The following CNTN5 variants were observed in gnomAD, a reference collection of about 807,000 sequenced individuals.
CNTN5 encodes contactin-5.
Under a neutral mutation model 129.1 loss-of-function variants are expected in CNTN5, and 77 were observed. The observed-to-expected ratio is 0.60, with a 90% CI of 0.50 to 0.72. CNTN5 has a LOEUF of 0.72. Ranked by LOEUF, CNTN5 falls within the 30% of genes least tolerant of loss-of-function variation. The pLI is 0.00. For synonymous variants in CNTN5, 509 were observed against 465.6 expected (o/e 1.09, Z -1.20); for missense variants, 1,478 against 1,328.8 (o/e 1.11, Z -1.75).
intron 8 of CNTN5, among the ~76,000 whole-genome samples, chr11:99,991,428 C>A (rs919742488): frequency 5.9e-5 from 9 of 152,244 alleles, no homozygotes; most frequent in Non-Finnish European, 1.3e-4. Context: ...GATTGCACCA[C>A]TGCACTCCAG....
chr11:99,719,077 G>C (rs564560835), intron 3 of CNTN5, among the ~76,000 whole-genome samples: 2 of 152,208 alleles, frequency 1.3e-5, no homozygotes, highest in South Asian at 4.1e-4. Context: ...CCAGCACTTT[G>C]GGAGGCCGAA....
At chr11:99,755,726 A>G (rs1005398416) in intron 3 of CNTN5, among the ~76,000 whole-genome samples, 1 of 152,074 alleles carries the variant, frequency 6.6e-6, no homozygotes, top group African/African-American at 2.4e-5. Flanking sequence ...GTTGTGTTAT[A>G]GTATCTGTAA....
intron 2 of CNTN5, among the ~76,000 whole-genome samples, chr11:99,506,229 C>T (rs530465742): frequency 1.3e-5 from 2 of 152,176 alleles, no homozygotes; most frequent in South Asian, 2.1e-4. Context: ...TGCTCAGGAT[C>T]GTACTAAAAA....
chr11:99,178,331 C>G (rs992949498), intron 1 of CNTN5, among the ~76,000 whole-genome samples: 1 of 122,744 alleles, frequency 8.1e-6, no homozygotes, highest in Non-Finnish European at 1.8e-5. Context: ...CACACACACA[C>G]ACACACACAC....
At chr11:99,285,029 A>C (rs919514702) in intron 1 of CNTN5, among the ~76,000 whole-genome samples, 8 of 152,180 alleles carry the variant, frequency 5.3e-5, no homozygotes, top group African/African-American at 1.9e-4. Flanking sequence ...ATTTTTTATA[A>C]AATGTAAAAT....
At chr11:99,916,409 G>A (rs539565190) in intron 7 of CNTN5, among the ~76,000 whole-genome samples, 14 of 152,198 alleles carry the variant, frequency 9.2e-5, no homozygotes, top group African/African-American at 3.4e-4. Context: ...CATCAGTGAA[G>A]AATATATTGC....
intron 2 of CNTN5, among the ~76,000 whole-genome samples, chr11:99,411,719 C>T (rs958414654): frequency 6.6e-6 from 1 of 152,026 alleles, no homozygotes; most frequent in Non-Finnish European, 1.5e-5. Context: ...TAGCATTTGC[C>T]CTTGCCAGCA....
chr11:100,042,336 C>G (rs1390003826), intron 9 of CNTN5, among the ~76,000 whole-genome samples: 1 of 151,296 alleles, frequency 6.6e-6, no homozygotes, highest in Non-Finnish European at 1.5e-5. Flanking sequence ...AGTTATAAAA[C>G]TTGGTTCTTT....
intron 2 of CNTN5, among the ~76,000 whole-genome samples, chr11:99,371,637 A>T (rs76772287): frequency 6.6e-6 from 1 of 152,138 alleles, no homozygotes; most frequent in African/African-American, 2.4e-5. Context: ...AGAAAAAAAA[A>T]TATTACTCTG....
intron 3 of CNTN5, among the ~76,000 whole-genome samples, chr11:99,720,483 T>A (rs1591529479): frequency 6.6e-6 from 1 of 152,090 alleles, no homozygotes; most frequent in South Asian, 2.1e-4. Context: ...AAACTCTCAA[T>A]AAACTAGGTA....
At chr11:99,529,748 A>G (rs915708552) in intron 2 of CNTN5, among the ~76,000 whole-genome samples, 1 of 152,186 alleles carries the variant, frequency 6.6e-6, no homozygotes, top group Non-Finnish European at 1.5e-5. Flanking sequence ...TTTAGAACAC[A>G]ATATAAAAAT....
At chr11:99,128,244 G>C (rs1341736285) in intron 1 of CNTN5, among the ~76,000 whole-genome samples, 2 of 152,136 alleles carry the variant, frequency 1.3e-5, no homozygotes, top group African/African-American at 4.8e-5. Context: ...AGACTACCGA[G>C]TTCATGGTGG....
chr11:99,120,615 A>G (rs1205759711), intron 1 of CNTN5: 1 of 152,234 alleles, frequency 6.6e-6, no homozygotes, highest in African/African-American at 2.4e-5. Context: ...CACAAATAAA[A>G]TATAACACCC....
intron 6 of CNTN5, among the ~76,000 whole-genome samples, chr11:99,888,168 C>G (rs1948949399): frequency 6.6e-6 from 1 of 152,150 alleles, no homozygotes; most frequent in East Asian, 1.9e-4. Flanking sequence ...TGTTACGAAT[C>G]ATTATCATCG....
chr11:100,201,025 A>G (rs1357960232), intron 15 of CNTN5, among the ~76,000 whole-genome samples: 3 of 151,968 alleles, frequency 2.0e-5, no homozygotes, highest in African/African-American at 7.2e-5. Flanking sequence ...ACATGAATTT[A>G]TCTGGAATGA....
At chr11:100,335,349 A>T (rs1952013687) in intron 21 of CNTN5, among the ~76,000 whole-genome samples, 1 of 152,212 alleles carries the variant, frequency 6.6e-6, no homozygotes, top group Non-Finnish European at 1.5e-5. Flanking sequence ...TCATGTAAGG[A>T]AACTGCATTG....
intron 21 of CNTN5, among the ~76,000 whole-genome samples, chr11:100,322,670 A>G (rs928862951): frequency 2.0e-5 from 3 of 152,180 alleles, no homozygotes; most frequent in Non-Finnish European, 4.4e-5. Flanking sequence ...CTATTTTACC[A>G]TATTGAGTCT....
At chr11:99,854,289 A>AT (rs1260059799) in intron 6 of CNTN5, among the ~76,000 whole-genome samples, 6 of 152,142 alleles carry the variant, frequency 3.9e-5, no homozygotes, top group Non-Finnish European at 7.4e-5. Flanking sequence ...TGACTAGGTT[A>AT]CCCCTACATA....
At chr11:99,957,571 A>G (rs1185485768) in intron 8 of CNTN5, among the ~76,000 whole-genome samples, 3 of 152,172 alleles carry the variant, frequency 2.0e-5, no homozygotes, top group African/African-American at 7.2e-5. Context: ...TAAACACCTC[A>G]TTTGTATTTA....
Sources: allele counts gnomAD v4.1 joint callset (sites outside exome capture counted in the v4.1 genomes callset), GRCh38; gene constraint gnomAD v4.1.1; transcripts MANE v1.5; gene names NCBI Gene and HGNC (gene_info 2026-07-23, HGNC 2026-07-21).